The following FYTTD1 variants were observed in gnomAD, a reference collection of about 807,000 sequenced individuals.
FYTTD1 encodes UAP56-interacting factor.
In FYTTD1, 22 loss-of-function variants were observed where a neutral mutation model predicts 40.9. That is an observed-to-expected ratio of 0.54 (90% CI 0.38 to 0.77). The LOEUF (loss-of-function observed/expected upper bound fraction) is 0.77. Among genes scored for constraint, FYTTD1 ranks in the 30% least tolerant of loss-of-function variants. The pLI is 0.00. For missense variants in FYTTD1, 351 were observed against 392.2 expected, an observed-to-expected ratio of 0.90 and a Z score of 0.89; for synonymous variants, 140 against 137.9, an observed-to-expected ratio of 1.01 and a Z score of -0.10.
chr3:197,781,753 T>C, intron 8 of FYTTD1, 58 bp from the exon 9 acceptor site: 1 of 1,192,698 alleles, frequency 8.4e-7, no homozygotes, highest in Non-Finnish European at 1.2e-6. Flanking sequence ...AAATATGGCC[T>C]TCAGTAAAGT....
chr3:197,750,167 A>T, intron 1 of FYTTD1, 93 bp downstream of exon 1: 1 of 1,006,322 alleles, frequency 9.9e-7, no homozygotes, highest in Non-Finnish European at 1.4e-6. Context: ...GGTCGGCAGC[A>T]GTTGCCGGCG....
intron 2 of FYTTD1, among the ~76,000 whole-genome samples, chr3:197,761,657 C>T (rs1162382751): frequency 3.3e-5 from 5 of 152,102 alleles, no homozygotes; most frequent in East Asian, 1.9e-4. Flanking sequence ...CTCAAAATGT[C>T]GTCAGGTACC....
chr3:197,773,479 C>G lies in FYTTD1; in HGVS notation c.574C>G (p.Leu192Val). 1 of 1,592,794 alleles carries G rather than the reference C, an allele frequency of 6.3e-7. No individual in the cohort carries two copies. The highest frequency in any genetic ancestry group is 1.1e-5 in the South Asian group (1 of 89,116). ...GAAAGATACTCGTCAGGCAACTTTT[C>G]TTTTCAGAAGAGGCCTGAAGGTATT... ...HQKDTRQATFLFRRGLKVQAQ... is the reference protein window; with the variant it reads ...HQKDTRQATFVFRRGLKVQAQ... Residue 192 changes from leucine to valine, a missense_variant, in exon 5 of 9, where the codon CTT (leucine) becomes GTT (valine). Physicochemically the swap from Leu to Val is conservative, Grantham distance 32 (BLOSUM62 1). Transcript: ENST00000241502.
At chr3:197,770,650 C>T (rs1193715714) in intron 4 of FYTTD1, among the ~76,000 whole-genome samples, 3 of 152,170 alleles carry the variant, frequency 2.0e-5, no homozygotes, top group Admixed American at 6.5e-5. Flanking sequence ...TGGGCTCAAG[C>T]GATCCTCCCA....
At position 197,780,433 on chromosome 3, in the gene FYTTD1, C is replaced by T. The variant is rs529274662; in HGVS notation, c.859-1378C>T. Among the ~76,000 whole-genome samples the T allele has an allele frequency of 2.6e-5, 4 of 152,332 alleles. No individual in the cohort carries two copies. In the South Asian group the frequency reaches 8.3e-4, roughly 32 times the overall value. On this transcript the variant is annotated intron_variant, in intron 8 of 8. Coordinates refer to ENST00000241502, the MANE Select transcript of FYTTD1 (RefSeq NM_032288.7). ...TGCTTTGTTACAAAGGCTAGGACCT[C>T]CAGTCCAATGTTGAGTAGAAGTGGT...
chr3:197,765,534 CCA>C (rs1350585672), intron 2 of FYTTD1, among the ~76,000 whole-genome samples: 1 of 151,976 alleles, frequency 6.6e-6, no homozygotes, highest in Non-Finnish European at 1.5e-5. Context: ...TAGAAGGAAA[CCA>C]CACATAGGGC....
chr3:197,776,372 C>T (rs190206883), intron 6 of FYTTD1, among the ~76,000 whole-genome samples: 265 of 149,692 alleles, frequency 1.8e-3, no homozygotes, highest in African/African-American at 6.2e-3. Context: ...ACCCCACGCC[C>T]AGCTTAAATT....
chr3:197,777,272 T>A (rs1729904152), intron 7 of FYTTD1, among the ~76,000 whole-genome samples: 1 of 152,228 alleles, frequency 6.6e-6, no homozygotes, highest in African/African-American at 2.4e-5. Context: ...TACCCTTTTT[T>A]TGGAGGCAAG....
rs184533961 is a variant in FYTTD1 at position 197,750,745 on chromosome 3, G to A, written c.103+671G>A. ...AGAAAAGCACAGTCTCCCTCTCCAG[G>A]CCTCAGAGCTAGCTAATGGGGGAGA... On this transcript the variant is annotated intron_variant, in intron 1 of 8. Transcript: ENST00000241502. The A allele has an allele frequency of 6.5e-5, 64 of 985,540 alleles. No homozygotes were observed. The African/African-American group carries it at 9.8e-4, about 15-fold the overall frequency. 61.0% of individuals were successfully genotyped at this position (985,540 alleles called of 1,614,324 possible). A position where few individuals can be genotyped will look rare whatever the true frequency, so the allele number is the denominator to read the frequency against.
chr3:197,776,867 A>G, intron 6 of FYTTD1, 60 bp from the exon 7 acceptor site: 1 of 1,099,910 alleles, frequency 9.1e-7, no homozygotes, highest in Non-Finnish European at 1.4e-6. Context: ...TTTATTTTGA[A>G]TATACATAGG....
chr3:197,783,495 T>A lies in FYTTD1; in HGVS notation c.*1586T>A, dbSNP rs1020524106. ...TTATACCAAAGAATTAAATCTGATC[T>A]TTAATATCTGATATTTTCCTGGTAC... On this transcript the variant is annotated 3_prime_UTR_variant, in exon 9 of 9. Coordinates refer to ENST00000241502, the MANE Select transcript of FYTTD1 (RefSeq NM_032288.7). The A allele has an allele frequency of 2.0e-5, 3 of 152,666 alleles. No individual in the cohort carries two copies. The highest frequency in any genetic ancestry group is 6.5e-5 in the Admixed American group (1 of 15,280). The allele number at this position is 152,666 out of a possible 1,614,324, so 9.5% of individuals were successfully genotyped here.
chr3:197,770,389 C>T, intron 4 of FYTTD1, 145 bp downstream of exon 4: 5 of 630,140 alleles, frequency 7.9e-6, no homozygotes, highest in Non-Finnish European at 1.2e-5. Flanking sequence ...TGAACATCCA[C>T]ATGGATGTAT....
chr3:197,753,120 A>G (rs917836715), intron 1 of FYTTD1, among the ~76,000 whole-genome samples: 3 of 152,074 alleles, frequency 2.0e-5, no homozygotes, highest in Non-Finnish European at 4.4e-5. Context: ...TTTGGTGAGA[A>G]TTTTACAGAA....
chr3:197,759,668 A>G (rs1729314142), intron 2 of FYTTD1, among the ~76,000 whole-genome samples: 2 of 151,830 alleles, frequency 1.3e-5, no homozygotes, highest in African/African-American at 4.8e-5. Flanking sequence ...TCAGTGGTAG[A>G]ACGTATAGAG....
chr3:197,776,384 G>GTT (rs869308035), intron 6 of FYTTD1, among the ~76,000 whole-genome samples: 5 of 133,376 alleles, frequency 3.7e-5, no homozygotes, highest in Non-Finnish European at 7.7e-5. Context: ...GCTTAAATTT[G>GTT]TTTTTTTTTT....
chr3:197,760,068 T>TTCAGTGGTAGAACGTATAGAATGTTCC (rs1729332740), intron 2 of FYTTD1, among the ~76,000 whole-genome samples: 1 of 152,002 alleles, frequency 6.6e-6, no homozygotes, highest in Non-Finnish European at 1.5e-5. Flanking sequence ...AGAGTTGTTC[T>TTCAGTGGTAGAACGTATAGAATGTTCC]TCAGTGGTAG....
At chr3:197,765,802 C>T (rs1458514678) in intron 2 of FYTTD1, among the ~76,000 whole-genome samples, 2 of 152,006 alleles carry the variant, frequency 1.3e-5, no homozygotes, top group Non-Finnish European at 1.5e-5. Flanking sequence ...CAAGACTATC[C>T]TGGCTAACAC....
At chr3:197,763,419 A>T (rs769360776) in intron 2 of FYTTD1, 2 of 362,156 alleles carry the variant, frequency 5.5e-6, no homozygotes, top group African/African-American at 4.4e-5. Flanking sequence ...TGTCTCAAAA[A>T]AAAAAAAAAA....
intron 7 of FYTTD1, among the ~76,000 whole-genome samples, chr3:197,778,054 G>A (rs1729925466): frequency 6.6e-6 from 1 of 152,154 alleles, no homozygotes; most frequent in Non-Finnish European, 1.5e-5. Context: ...ATGTAGGATG[G>A]GTACCTAGGA....
Sources: gnomAD v4.1 joint callset for allele counts (sites outside exome capture counted in the v4.1 genomes callset) on GRCh38, gnomAD v4.1.1 for gene constraint, MANE v1.5 for transcripts, NCBI Gene and HGNC (gene_info 2026-07-23, HGNC 2026-07-21) for gene names.